Variants in RYR3 observed in about 807,000 individuals in gnomAD.
The protein encoded by RYR3 is ryanodine receptor 3, also known as brain ryanodine receptor-calcium release channel.
A neutral mutation model predicts 584.3 loss-of-function variants in RYR3; 207 were observed. The ratio of observed to expected loss-of-function variants is 0.35; its 90% CI spans 0.32 to 0.40. The LOEUF is 0.40. RYR3 is among the 10% of genes least tolerant of loss of function. The pLI, the probability that RYR3 is intolerant of heterozygous loss-of-function variation, is 1.00. For synonymous variants in RYR3, 2,416 were observed against 2,248.5 expected (o/e 1.07, Z -2.11); for missense variants, 5,616 against 6,089.2 (o/e 0.92, Z 2.59).
At chr15:33,759,354 A>C (rs2072198138) in intron 60 of RYR3, among the ~76,000 whole-genome samples, 1 of 152,222 alleles carries the variant, frequency 6.6e-6, no homozygotes, top group African/African-American at 2.4e-5. Context: ...CCTCTGACCT[A>C]AAGGAGCATG....
intron 77 of RYR3, among the ~76,000 whole-genome samples, chr15:33,820,443 T>A (rs1033367752): frequency 5.9e-5 from 9 of 152,168 alleles, no homozygotes; most frequent in African/African-American, 2.2e-4. Context: ...TGCATTCCTG[T>A]CTCCCATTTA....
chr15:33,368,338 C>CT (rs35491164), intron 1 of RYR3, among the ~76,000 whole-genome samples: 17,007 of 85,640 alleles, frequency 0.2, 2,640 homozygotes, highest in African/African-American at 0.29. Flanking sequence ...GCCTTCCTGT[C>CT]TTTTTTTTTT....
intron 3 of RYR3, among the ~76,000 whole-genome samples, chr15:33,514,733 G>T (rs1595389647): frequency 6.6e-6 from 1 of 152,080 alleles, no homozygotes; most frequent in Admixed American, 6.5e-5. Context: ...CAGGAGCGGT[G>T]GCTCACACCT....
At chr15:33,539,320 C>A in intron 5 of RYR3, 30 bp from the exon 6 acceptor site, 1 of 1,412,526 alleles carries the variant, frequency 7.1e-7, no homozygotes, top group African/African-American at 1.4e-5. Context: ...TTCTGTGAAG[C>A]AATGACTAAC....
At chr15:33,773,971 G>C (rs573741127) in intron 64 of RYR3, among the ~76,000 whole-genome samples, 1 of 152,342 alleles carries the variant, frequency 6.6e-6, no homozygotes, top group Non-Finnish European at 1.5e-5. Context: ...AGTGCGCTGA[G>C]AAGCTCAAGG....
Position 33,579,033 on chromosome 15 carries a change from CAG to C in RYR3, c.1269-941_1269-940del, listed in dbSNP as rs573217131. On this transcript the variant is annotated intron_variant, in intron 12 of 103. Coordinates refer to ENST00000634891, the MANE Select transcript of RYR3 (RefSeq NM_001036.6). Reference sequence around the variant, plus strand: ...TACAAAAAATTGGCAGAGATTAAAACAGAAAAAGAGACAGAGAAACTTGCGGA... The same window carrying C: ...TACAAAAAATTGGCAGAGATTAAAACAAAAAGAGACAGAGAAACTTGCGGA... Among the ~76,000 whole-genome samples, 431 of 152,000 alleles carry C rather than the reference CAG, an allele frequency of 2.8e-3. 2 individuals carry two copies. The highest frequency in any genetic ancestry group is 9.9e-3 in the African/African-American group (410 of 41,454).
In RYR3 at chr15:33,832,867, G is replaced by T. The variant is rs140837502; in HGVS notation, c.11463+1776G>T. Among the ~76,000 whole-genome samples the T allele has an allele frequency of 4.5e-3, 690 of 151,828 alleles. 6 individuals carry two copies. Among genetic ancestry groups the T allele is most frequent in the Middle Eastern group, 0.02 (6 of 294 alleles). On this transcript the variant is annotated intron_variant, in intron 86 of 103. Transcript: ENST00000634891. Reference sequence around the variant, plus strand: ...TCTACTAAAAATACAAATTAGCTGGGTATGGTAGCAGGTGCCTGTAATCCC... The same window carrying T: ...TCTACTAAAAATACAAATTAGCTGGTTATGGTAGCAGGTGCCTGTAATCCC...
chr15:33,613,257 G>A lies in RYR3; in HGVS notation c.2239G>A (p.Asp747Asn). 1 of 1,613,942 alleles carries A rather than the reference G, an allele frequency of 6.2e-7. No homozygotes were observed. ...RSDDVVSCCL[D>N]LGVPSISFRI... ...GGATGACGTGGTAAGCTGCTGCCTGGACCTCGGGGTGCCCAGCATCTCATT... is the reference window on the plus strand; with the variant it reads ...GGATGACGTGGTAAGCTGCTGCCTGAACCTCGGGGTGCCCAGCATCTCATT... Residue 747 changes from aspartate to asparagine, a missense_variant, in exon 19 of 104, where the codon GAC (aspartate) becomes AAC (asparagine). By Grantham distance (23) the Asp-to-Asn change is conservative (BLOSUM62 1). Coordinates refer to ENST00000634891, the MANE Select transcript of RYR3 (RefSeq NM_001036.6).
chr15:33,544,740 C>T (rs1366700924), intron 8 of RYR3, among the ~76,000 whole-genome samples: 3 of 152,148 alleles, frequency 2.0e-5, no homozygotes, highest in Non-Finnish European at 4.4e-5. Flanking sequence ...TTGCTATCTA[C>T]TCTGAATACC....
intron 80 of RYR3, 31 bp from the exon 81 acceptor site, chr15:33,822,965 C>G (rs2077188332): frequency 6.3e-7 from 1 of 1,588,364 alleles, no homozygotes; most frequent in African/African-American, 1.3e-5. Context: ...GTTTTCATCG[C>G]TTTTCCCCTT....
chr15:33,381,900 C>G (rs1298733867), intron 1 of RYR3, among the ~76,000 whole-genome samples: 1 of 152,180 alleles, frequency 6.6e-6, no homozygotes, highest in African/African-American at 2.4e-5. Context: ...TATTATTTCA[C>G]TTAGTTATAT....
intron 1 of RYR3, among the ~76,000 whole-genome samples, chr15:33,452,045 A>G (rs951151888): frequency 2.0e-5 from 3 of 152,350 alleles, no homozygotes; most frequent in East Asian, 1.9e-4. Context: ...CCATGCTCCA[A>G]CAACCAAACA....
chr15:33,408,934 A>T (rs567206929), intron 1 of RYR3, among the ~76,000 whole-genome samples: 2 of 152,330 alleles, frequency 1.3e-5, no homozygotes, highest in Non-Finnish European at 2.9e-5. Flanking sequence ...ATGACTAGAA[A>T]ACTGCTCCTC....
At chr15:33,387,895 T>C (rs2041729588) in intron 1 of RYR3, among the ~76,000 whole-genome samples, 1 of 151,850 alleles carries the variant, frequency 6.6e-6, no homozygotes, top group African/African-American at 2.4e-5. Flanking sequence ...AGATAAGTTA[T>C]AGAGAATAAG....
At position 33,823,067 on chromosome 15, in the gene RYR3, T is replaced by G. The variant is rs201724283; in HGVS notation, c.11067T>G (p.Ser3689=). Residue 3689 remains serine, a synonymous_variant, in exon 81 of 104, where the codon TCT becomes TCG. Coordinates refer to ENST00000634891, the MANE Select transcript of RYR3 (RefSeq NM_001036.6). ...AAAGCCTTTCTGGTCTTATGCAGTC[T>G]TGCAGGTAAATGCGGGAAAACTACC... The part of the protein sequence containing the change: ...FFQSLSGLMQ[S]CSVLDLNAFE... The G allele has an allele frequency of 6.3e-5, 102 of 1,612,968 alleles. No individual in the cohort carries two copies. In the Admixed American group the frequency reaches 1.4e-3, roughly 22 times the overall value.
intron 27 of RYR3, among the ~76,000 whole-genome samples, chr15:33,640,127 G>T (rs556707093): frequency 6.6e-6 from 1 of 152,142 alleles, no homozygotes; most frequent in African/African-American, 2.4e-5. Flanking sequence ...TTGACCTGTC[G>T]GGTTTAACAG....
At chr15:33,863,073 G>T (rs997777232) in intron 102 of RYR3, among the ~76,000 whole-genome samples, 1 of 152,192 alleles carries the variant, frequency 6.6e-6, no homozygotes. Context: ...GAAGGATGCT[G>T]TCCTTTGGGT....
intron 65 of RYR3, among the ~76,000 whole-genome samples, chr15:33,781,365 G>C (rs2074369167): frequency 6.6e-6 from 1 of 152,136 alleles, no homozygotes; most frequent in Admixed American, 6.5e-5. Flanking sequence ...TTCAACCAGA[G>C]CTTTTTCTAT....
chr15:33,437,187 A>G (rs1355534838), intron 1 of RYR3, among the ~76,000 whole-genome samples: 1 of 151,988 alleles, frequency 6.6e-6, no homozygotes, highest in Non-Finnish European at 1.5e-5. Context: ...AAAATAGAAA[A>G]AAAATAGTGG....
Sources: gnomAD v4.1 joint callset for allele counts (sites outside exome capture counted in the v4.1 genomes callset) on GRCh38, gnomAD v4.1.1 for gene constraint, MANE v1.5 for transcripts, NCBI Gene and HGNC (gene_info 2026-07-23, HGNC 2026-07-21) for gene names.